The following LINGO2 variants were observed in gnomAD, a reference collection of about 807,000 sequenced individuals.
LINGO2 encodes leucine-rich repeat and immunoglobulin-like domain-containing nogo receptor-interacting protein 2.
LINGO2 carries 14 observed loss-of-function variants against 30.6 expected under a neutral mutation model. The ratio of observed to expected loss-of-function variants is 0.46; its 90% CI spans 0.30 to 0.72. LINGO2 has a LOEUF of 0.72. Ranked by LOEUF, LINGO2 falls within the 30% of genes least tolerant of loss-of-function variation. The pLI is 0.07. For missense variants in LINGO2, 729 were observed against 751.7 expected (o/e 0.97, Z 0.35); for synonymous variants, 317 against 288.5 (o/e 1.10, Z -1.00).
At position 28,255,929 on chromosome 9, in the gene LINGO2, A is replaced by G. The variant is rs1203675938; in HGVS notation, c.-87+39279T>C. Among the ~76,000 whole-genome samples, 3 of 152,228 alleles carry G rather than the reference A, an allele frequency of 2.0e-5. No individual in the cohort carries two copies. In the East Asian group the frequency reaches 5.8e-4, roughly 29 times the overall value. On this transcript the variant is annotated intron_variant, in intron 4 of 5. Transcript: ENST00000379992. Reference sequence around the variant, plus strand: ...TTATGTATGTCACAAAAGACAAAGCAATAGCTTTTATTGTGGAAACTACAC... The same window carrying G: ...TTATGTATGTCACAAAAGACAAAGCGATAGCTTTTATTGTGGAAACTACAC...
At chr9:28,607,728 T>C (rs1354988928) in intron 1 of LINGO2, among the ~76,000 whole-genome samples, 1 of 152,034 alleles carries the variant, frequency 6.6e-6, no homozygotes, top group Non-Finnish European at 1.5e-5. Context: ...GTGTCAAATC[T>C]GATTGAAATA....
chr9:29,168,430 T>C, the LINGO2 span, among the ~76,000 whole-genome samples: 13 of 152,272 alleles, frequency 8.5e-5, no homozygotes, highest in East Asian at 1.9e-4. Context: ...TAGCCAATCA[T>C]AGGAATCACA....
At chr9:28,306,489 A>C (rs1296515916) in intron 3 of LINGO2, among the ~76,000 whole-genome samples, 2 of 152,260 alleles carry the variant, frequency 1.3e-5, no homozygotes, top group Non-Finnish European at 2.9e-5. Flanking sequence ...AAGATCCAAA[A>C]CTGACACCCT....
At chr9:28,226,512 T>C (rs1175398900) in intron 4 of LINGO2, among the ~76,000 whole-genome samples, 1 of 151,774 alleles carries the variant, frequency 6.6e-6, no homozygotes, top group African/African-American at 2.4e-5. Flanking sequence ...TTTTTTTAAT[T>C]TCTCTGATTC....
chr9:28,351,420 G>A (rs1429462498), intron 3 of LINGO2, among the ~76,000 whole-genome samples: 4 of 151,502 alleles, frequency 2.6e-5, no homozygotes, highest in East Asian at 1.9e-4. Flanking sequence ...TAAATTCCTC[G>A]ACACATACGC....
At chr9:28,841,877 CT>C in the LINGO2 span, among the ~76,000 whole-genome samples, 1 of 151,822 alleles carries the variant, frequency 6.6e-6, no homozygotes, top group Non-Finnish European at 1.5e-5. Flanking sequence ...GGGCACCATA[CT>C]AATATCTTGA....
At chr9:27,990,213 C>T (rs1821324943) in intron 5 of LINGO2, among the ~76,000 whole-genome samples, 1 of 152,050 alleles carries the variant, frequency 6.6e-6, no homozygotes, top group Admixed American at 6.6e-5. Flanking sequence ...ACAAAAACAG[C>T]ATTTCAACAA....
At chr9:28,596,319 A>G (rs1825173249) in intron 1 of LINGO2, among the ~76,000 whole-genome samples, 1 of 152,150 alleles carries the variant, frequency 6.6e-6, no homozygotes. Flanking sequence ...AGTCTATTCA[A>G]TAAAACTGAC....
chr9:28,882,673 G>A, the LINGO2 span, among the ~76,000 whole-genome samples: 1 of 151,980 alleles, frequency 6.6e-6, no homozygotes, highest in African/African-American at 2.4e-5. Context: ...CTACAGTCTT[G>A]GTTGTCTGTC....
the LINGO2 span, among the ~76,000 whole-genome samples, chr9:28,873,882 A>AT: frequency 2.0e-5 from 3 of 151,378 alleles, no homozygotes; most frequent in Non-Finnish European, 4.4e-5. Flanking sequence ...AAAATAAAAA[A>AT]ATATATATAT....
intron 4 of LINGO2, among the ~76,000 whole-genome samples, chr9:28,280,512 A>G (rs1823281980): frequency 6.6e-6 from 1 of 152,196 alleles, no homozygotes; most frequent in South Asian, 2.1e-4. Context: ...ATTGGATCAT[A>G]TGAAGATCAT....
chr9:28,049,192 G>A (rs1266158580), intron 4 of LINGO2, among the ~76,000 whole-genome samples: 1 of 150,758 alleles, frequency 6.6e-6, no homozygotes. Flanking sequence ...GTGGCCCATA[G>A]TCATCCCTTG....
chr9:28,772,644 C>T, the LINGO2 span, among the ~76,000 whole-genome samples: 2 of 152,224 alleles, frequency 1.3e-5, no homozygotes, highest in South Asian at 2.1e-4. Context: ...TTTTCTTTAA[C>T]TCTCTTTTTT....
chr9:29,115,521 T>C, the LINGO2 span, among the ~76,000 whole-genome samples: 1 of 151,774 alleles, frequency 6.6e-6, no homozygotes, highest in Admixed American at 6.6e-5. Flanking sequence ...GAAAGACTTG[T>C]AAAAAAATCA....
At chr9:28,666,057 A>C (rs540168277) in intron 1 of LINGO2, among the ~76,000 whole-genome samples, 1 of 151,804 alleles carries the variant, frequency 6.6e-6, no homozygotes. Flanking sequence ...ACACCCGGCT[A>C]ATTTTTGTAT....
intron 4 of LINGO2, among the ~76,000 whole-genome samples, chr9:28,153,470 A>G (rs998005719): frequency 2.0e-5 from 3 of 152,166 alleles, no homozygotes; most frequent in African/African-American, 7.2e-5. Flanking sequence ...CTACTTATTG[A>G]TGTTCAGTAC....
At chr9:29,060,120 T>A in the LINGO2 span, among the ~76,000 whole-genome samples, 1 of 152,024 alleles carries the variant, frequency 6.6e-6, no homozygotes, top group Admixed American at 6.6e-5. Context: ...TCACTCTTCT[T>A]TTTTCTAAAG....
chr9:27,994,058 G>A (rs1449557963), intron 5 of LINGO2, among the ~76,000 whole-genome samples: 2 of 151,924 alleles, frequency 1.3e-5, no homozygotes, highest in East Asian at 3.9e-4. Context: ...TGACCAATGA[G>A]TCAATAAAGA....
chr9:28,936,149 G>A, the LINGO2 span, among the ~76,000 whole-genome samples: 3 of 152,090 alleles, frequency 2.0e-5, no homozygotes, highest in Admixed American at 1.3e-4. Context: ...TAACTTCCAT[G>A]TGCAAACTCA....
Sources: allele counts gnomAD v4.1 joint callset (sites outside exome capture counted in the v4.1 genomes callset), GRCh38; gene constraint gnomAD v4.1.1; transcripts MANE v1.5; gene names NCBI Gene and HGNC (gene_info 2026-07-23, HGNC 2026-07-21).